HDAC9: variants seen among roughly 807,000 people sequenced by gnomAD.
HDAC9 encodes MEF-2 interacting transcription repressor (MITR) protein.
Under a neutral mutation model 139.4 loss-of-function variants are expected in HDAC9, and 41 were observed. That is an observed-to-expected ratio of 0.29 (90% CI 0.23 to 0.38). HDAC9 has a LOEUF of 0.38. Ranked by LOEUF, HDAC9 falls within the 10% of genes least tolerant of loss-of-function variation. The pLI is 1.00. For synonymous variants in HDAC9, 517 were observed against 476.2 expected (o/e 1.09, Z -1.12); for missense variants, 1,147 against 1,297.0 (o/e 0.88, Z 1.78).
chr7:18,816,941 G>T (rs192083475), intron 17 of HDAC9, among the ~76,000 whole-genome samples: 126 of 151,906 alleles, frequency 8.3e-4, no homozygotes, highest in East Asian at 3.9e-3. Context: ...AAAGAATTTT[G>T]ATTGTAATTT....
intron 25 of HDAC9, among the ~76,000 whole-genome samples, chr7:18,987,719 C>G (rs1340156370): frequency 1.3e-5 from 2 of 151,960 alleles, no homozygotes; most frequent in African/African-American, 4.8e-5. Context: ...GGTTGGTAAG[C>G]TATTGATTAT....
intron 21 of HDAC9, among the ~76,000 whole-genome samples, chr7:18,839,976 T>A (rs1796483260): frequency 6.6e-6 from 1 of 152,112 alleles, no homozygotes; most frequent in Non-Finnish European, 1.5e-5. Context: ...GAGAAAAATA[T>A]CTTCAAATGT....
At chr7:18,952,512 A>G (rs1216713310) in intron 23 of HDAC9, among the ~76,000 whole-genome samples, 2 of 152,024 alleles carry the variant, frequency 1.3e-5, no homozygotes, top group Non-Finnish European at 2.9e-5. Flanking sequence ...ATAGAGTGTC[A>G]TTTCAAGATA....
chr7:18,195,948 A>T (rs546105879), intron 2 of HDAC9, among the ~76,000 whole-genome samples: 8 of 152,118 alleles, frequency 5.3e-5, no homozygotes, highest in Non-Finnish European at 8.8e-5. Context: ...CTGTTAATTT[A>T]TCCTCTACCC....
In HDAC9 at chr7:18,875,724, T is replaced by A. The variant is rs1302048009; in HGVS notation, c.2803+1128T>A. Among the ~76,000 whole-genome samples, 94 of 152,172 alleles carry A rather than the reference T, an allele frequency of 6.2e-4. 1 individual carries two copies. Among genetic ancestry groups the A allele is most frequent in the Admixed American group, 6.2e-3 (94 of 15,272 alleles). On this transcript the variant is annotated intron_variant, in intron 22 of 25. Transcript: ENST00000686413. ...TGAATAGAGAGGTGTTTGCTGAGAT[T>A]AAATGTCTGTATGGCCTTTTTAAAA...
chr7:18,121,670 T>G (rs1471364262), intron 1 of HDAC9, among the ~76,000 whole-genome samples: 1 of 152,194 alleles, frequency 6.6e-6, no homozygotes, highest in African/African-American at 2.4e-5. Context: ...GGCAGTCAAG[T>G]TAACCGAAAG....
At chr7:18,604,347 A>G (rs1202263079) in intron 6 of HDAC9, among the ~76,000 whole-genome samples, 1 of 151,394 alleles carries the variant, frequency 6.6e-6, no homozygotes, top group Non-Finnish European at 1.5e-5. Flanking sequence ...CTATTGACAT[A>G]TCTTCAAAGT....
intron 2 of HDAC9, among the ~76,000 whole-genome samples, chr7:18,528,367 T>A (rs112829221): frequency 6.6e-6 from 1 of 151,702 alleles, no homozygotes; most frequent in Non-Finnish European, 1.5e-5. Flanking sequence ...ACAAATAACA[T>A]TTTATATAAG....
chr7:18,647,363 T>C (rs534920026), intron 9 of HDAC9, among the ~76,000 whole-genome samples: 1 of 152,250 alleles, frequency 6.6e-6, no homozygotes, highest in South Asian at 2.1e-4. Flanking sequence ...AATTAACATA[T>C]GCATTGTCTC....
intron 1 of HDAC9, among the ~76,000 whole-genome samples, chr7:18,469,533 G>C (rs910386726): frequency 6.6e-6 from 1 of 152,168 alleles, no homozygotes; most frequent in African/African-American, 2.4e-5. Context: ...AACAGAGCAA[G>C]AGAAAGTGTG....
intron 16 of HDAC9, among the ~76,000 whole-genome samples, chr7:18,786,637 CCTTT>C (rs1167887878): frequency 5.9e-5 from 7 of 117,648 alleles, no homozygotes; most frequent in African/African-American, 1.3e-4. Flanking sequence ...CTCCTTCCTT[CCTTT>C]CTTCCCTCCT....
intron 12 of HDAC9, among the ~76,000 whole-genome samples, chr7:18,708,462 C>G (rs189136055): frequency 6.6e-6 from 1 of 152,294 alleles, no homozygotes; most frequent in African/African-American, 2.4e-5. Flanking sequence ...CTGATCATAA[C>G]TTGCAGTTTT....
chr7:18,390,350 G>A (rs1786358618), intron 1 of HDAC9, among the ~76,000 whole-genome samples: 1 of 152,046 alleles, frequency 6.6e-6, no homozygotes, highest in South Asian at 2.1e-4. Context: ...TCAGAATTAT[G>A]GCTGAGATCC....
intron 17 of HDAC9, among the ~76,000 whole-genome samples, chr7:18,824,044 G>GAAGAA (rs1795197769): frequency 4.5e-5 from 3 of 67,118 alleles, no homozygotes; most frequent in Non-Finnish European, 1.0e-4. Context: ...AAGAGGAAGA[G>GAAGAA]GAAGAAGAAG....
At chr7:18,298,356 T>G (rs1798287330) in intron 1 of HDAC9, among the ~76,000 whole-genome samples, 1 of 151,988 alleles carries the variant, frequency 6.6e-6, no homozygotes, top group Non-Finnish European at 1.5e-5. Context: ...TACATATGTG[T>G]ACATGTGCCA....
intron 2 of HDAC9, among the ~76,000 whole-genome samples, chr7:18,512,827 G>C (rs1404573968): frequency 2.6e-5 from 4 of 152,174 alleles, no homozygotes; most frequent in Non-Finnish European, 5.9e-5. Context: ...AAATATACGA[G>C]TAAGTGTGCA....
intron 1 of HDAC9, among the ~76,000 whole-genome samples, chr7:18,476,969 T>C (rs1454952780): frequency 6.6e-6 from 1 of 152,168 alleles, no homozygotes; most frequent in Non-Finnish European, 1.5e-5. Flanking sequence ...ACCTAATAAT[T>C]CCTAGGAAAA....
intron 2 of HDAC9, among the ~76,000 whole-genome samples, chr7:18,184,206 C>T (rs1406346015): frequency 2.0e-5 from 3 of 152,114 alleles, no homozygotes; most frequent in Non-Finnish European, 2.9e-5. Context: ...CGAGACCCGC[C>T]TGACCAACAT....
At chr7:18,830,831 A>G (rs1795811031) in intron 19 of HDAC9, among the ~76,000 whole-genome samples, 1 of 152,212 alleles carries the variant, frequency 6.6e-6, no homozygotes, top group Non-Finnish European at 1.5e-5. Flanking sequence ...GAAGGCCTAG[A>G]TATACTACAG....
Sources: gnomAD v4.1 joint callset for allele counts (sites outside exome capture counted in the v4.1 genomes callset) on GRCh38, gnomAD v4.1.1 for gene constraint, MANE v1.5 for transcripts, NCBI Gene and HGNC (gene_info 2026-07-23, HGNC 2026-07-21) for gene names.